Variants in DAB1 observed in about 807,000 individuals in gnomAD.
The protein encoded by DAB1 is disabled homolog 1.
DAB1 carries 15 observed loss-of-function variants against 64.6 expected under a neutral mutation model. The ratio of observed to expected loss-of-function variants is 0.23; its 90% confidence interval spans 0.16 to 0.36. The LOEUF is 0.36. Ranked by LOEUF, DAB1 falls within the 10% of genes least tolerant of loss-of-function variation. The probability of loss-of-function intolerance (pLI) is 1.00; values close to 1 mark genes in which losing one functional copy is unlikely to be tolerated. For missense variants in DAB1, 596 were observed against 706.7 expected, an observed-to-expected ratio of 0.84 and a Z score of 1.78; for synonymous variants, 235 against 251.9, an observed-to-expected ratio of 0.93 and a Z score of 0.64.
At chr1:58,170,819 A>G (rs1467268038) in intron 4 of DAB1, among the ~76,000 whole-genome samples, 6 of 152,068 alleles carry the variant, frequency 3.9e-5, no homozygotes, top group African/African-American at 1.4e-4. Flanking sequence ...CAACCAGATG[A>G]TCCAACAACA....
At chr1:58,414,681 C>A (rs1644701208) in intron 3 of DAB1, among the ~76,000 whole-genome samples, 2 of 151,446 alleles carry the variant, frequency 1.3e-5, no homozygotes, top group East Asian at 1.9e-4. Flanking sequence ...GCTTTTAGAC[C>A]TTCCTTTAAT....
intron 5 of DAB1, among the ~76,000 whole-genome samples, chr1:57,965,507 A>G (rs1252078186): frequency 1.3e-5 from 2 of 152,120 alleles, no homozygotes; most frequent in African/African-American, 2.4e-5. Context: ...ATATGCAAAA[A>G]TTCTTAAGAA....
intron 6 of DAB1, among the ~76,000 whole-genome samples, chr1:57,683,668 C>T (rs1646663043): frequency 6.6e-6 from 1 of 152,156 alleles, no homozygotes; most frequent in Non-Finnish European, 1.5e-5. Flanking sequence ...AACACCAGCG[C>T]TCTACCAAGA....
At chr1:58,417,141 T>C (rs1569749483) in intron 3 of DAB1, among the ~76,000 whole-genome samples, 1 of 152,124 alleles carries the variant, frequency 6.6e-6, no homozygotes, top group East Asian at 1.9e-4. Flanking sequence ...CATCCTCCCG[T>C]CTCTTCTTGC....
At chr1:57,589,216 A>G (rs1409455311) in intron 7 of DAB1, among the ~76,000 whole-genome samples, 1 of 152,140 alleles carries the variant, frequency 6.6e-6, no homozygotes, top group East Asian at 1.9e-4. Context: ...GCGAAACTCC[A>G]TCTCAAAAAA....
chr1:57,898,228 A>G (rs1644420886), intron 5 of DAB1, among the ~76,000 whole-genome samples: 1 of 152,094 alleles, frequency 6.6e-6, no homozygotes, highest in South Asian at 2.1e-4. Context: ...GGTAACTGAG[A>G]CTCAGACAAG....
At chr1:57,845,651 G>A (rs1653247061) in intron 1 of DAB1, among the ~76,000 whole-genome samples, 1 of 152,154 alleles carries the variant, frequency 6.6e-6, no homozygotes, top group African/African-American at 2.4e-5. Flanking sequence ...TAAAGAATGT[G>A]AGAGACCCTG....
At chr1:57,312,351 C>A (rs1166383406) in intron 1 of DAB1, among the ~76,000 whole-genome samples, 1 of 151,030 alleles carries the variant, frequency 6.6e-6, no homozygotes, top group African/African-American at 2.4e-5. Context: ...ATGATAAACT[C>A]AGGCAAAGGG....
At chr1:58,520,898 A>G (rs1646251591) in intron 2 of DAB1, among the ~76,000 whole-genome samples, 1 of 152,174 alleles carries the variant, frequency 6.6e-6, no homozygotes, top group African/African-American at 2.4e-5. Context: ...TACAAAAAAA[A>G]GGAAAAAAAA....
intron 5 of DAB1, among the ~76,000 whole-genome samples, chr1:57,927,680 C>T (rs1644898347): frequency 6.6e-6 from 1 of 152,144 alleles, no homozygotes; most frequent in Admixed American, 6.5e-5. Flanking sequence ...TAAGTCAGGG[C>T]TTACAAACTT....
chr1:57,093,749 T>C (rs1192970864), intron 4 of DAB1, among the ~76,000 whole-genome samples: 1 of 152,132 alleles, frequency 6.6e-6, no homozygotes, highest in African/African-American at 2.4e-5. Context: ...CATCATAAAG[T>C]TGTGAGTTAA....
chr1:58,269,463 C>T (rs528573777), intron 4 of DAB1, among the ~76,000 whole-genome samples: 4,624 of 149,966 alleles, frequency 0.031, 125 homozygotes, highest in Non-Finnish European at 0.052. Context: ...TGAATAATGC[C>T]GCAATAAACA....
At position 57,194,868 on chromosome 1, in the gene DAB1, C is replaced by T. The variant is rs79232054; in HGVS notation, c.68-49439G>A. On this transcript the variant is annotated intron_variant, in intron 2 of 14. Transcript: ENST00000371236. ...CATTGCTGGCCACAGCAATCAGACACGAGAATGCAACCAACACAGCATCCT... is the reference window on the plus strand; with the variant it reads ...CATTGCTGGCCACAGCAATCAGACATGAGAATGCAACCAACACAGCATCCT... 1.4e-3 allele frequency among the ~76,000 whole-genome samples: 217 copies of T among 152,286 alleles called. 2 individuals carry two copies. The South Asian group carries it at 0.015, about 11-fold the overall frequency.
At chr1:57,940,284 T>C (rs1228722494) in intron 5 of DAB1, among the ~76,000 whole-genome samples, 1 of 152,242 alleles carries the variant, frequency 6.6e-6, no homozygotes, top group African/African-American at 2.4e-5. Flanking sequence ...TTGGAGTCAC[T>C]GTTTCAAAGA....
intron 3 of DAB1, among the ~76,000 whole-genome samples, chr1:58,423,024 G>A (rs138500384): frequency 6.6e-6 from 1 of 152,208 alleles, no homozygotes; most frequent in Non-Finnish European, 1.5e-5. Flanking sequence ...TAGAAGGAAG[G>A]TAGAATGGCC....
At chr1:58,134,878 T>A (rs1653855988) in intron 5 of DAB1, among the ~76,000 whole-genome samples, 1 of 152,102 alleles carries the variant, frequency 6.6e-6, no homozygotes, top group Non-Finnish European at 1.5e-5. Flanking sequence ...GAGGGACCCA[T>A]ACATTCAAAC....
chr1:57,521,696 A>T (rs1644528845), intron 7 of DAB1, among the ~76,000 whole-genome samples: 1 of 152,202 alleles, frequency 6.6e-6, no homozygotes, highest in Non-Finnish European at 1.5e-5. Flanking sequence ...GAAAGTGAAC[A>T]GGGGAGGAGA....
chr1:57,380,064 A>G (rs1212566227), intron 1 of DAB1, among the ~76,000 whole-genome samples: 3 of 152,164 alleles, frequency 2.0e-5, no homozygotes, highest in Non-Finnish European at 4.4e-5. Context: ...AATGCCAAGC[A>G]CTCTGCAAAG....
At chr1:57,701,698 AT>A (rs1490217672) in intron 6 of DAB1, among the ~76,000 whole-genome samples, 1 of 151,790 alleles carries the variant, frequency 6.6e-6, no homozygotes, top group Admixed American at 6.6e-5. Flanking sequence ...TATAATAATA[AT>A]AATAAAATAA....
Sources: gnomAD v4.1 joint callset for allele counts (sites outside exome capture counted in the v4.1 genomes callset) on GRCh38, gnomAD v4.1.1 for gene constraint, MANE v1.5 for transcripts, NCBI Gene and HGNC (gene_info 2026-07-23, HGNC 2026-07-21) for gene names.